Variants in SEC14L5 observed in about 807,000 individuals in gnomAD.
SEC14L5 encodes SEC14 like lipid binding 5.
Under a neutral mutation model 84.6 loss-of-function variants are expected in SEC14L5, and 96 were observed. The ratio of observed to expected loss-of-function variants is 1.13; its 90% CI spans 0.96 to 1.34. The LOEUF is 1.34. SEC14L5 is among the 40% of genes most tolerant of loss of function. The pLI is 0.00. For synonymous variants in SEC14L5, 546 were observed against 383.4 expected (o/e 1.42, Z -4.95); for missense variants, 1,224 against 942.5 (o/e 1.30, Z -3.91).
intron 2 of SEC14L5, among the ~76,000 whole-genome samples, chr16:4,964,376 T>A (rs1329094571): frequency 6.6e-6 from 1 of 151,974 alleles, no homozygotes; most frequent in African/African-American, 2.4e-5. Flanking sequence ...ATCATGAGGT[T>A]TGGAGATCAA....
intron 2 of SEC14L5, among the ~76,000 whole-genome samples, chr16:4,981,506 AGGG>A (rs1955423674): frequency 6.6e-6 from 1 of 152,068 alleles, no homozygotes; most frequent in Non-Finnish European, 1.5e-5. Flanking sequence ...GGAGAAGGTC[AGGG>A]GTGGTGTGGC....
At chr16:5,010,150 C>G (rs184742341) in intron 14 of SEC14L5, among the ~76,000 whole-genome samples, 1 of 142,982 alleles carries the variant, frequency 7.0e-6, no homozygotes, top group Non-Finnish European at 1.5e-5. Flanking sequence ...CGAGACCAGC[C>G]TGGCCAACAT....
chr16:5,004,024 CAA>C (rs930581737), intron 11 of SEC14L5, among the ~76,000 whole-genome samples: 3 of 152,268 alleles, frequency 2.0e-5, no homozygotes, highest in African/African-American at 7.2e-5. Flanking sequence ...TCCTCTGAAA[CAA>C]GGGTGCAGCC....
intron 2 of SEC14L5, among the ~76,000 whole-genome samples, chr16:4,986,139 C>CT (rs1322526710): frequency 6.7e-6 from 1 of 150,318 alleles, no homozygotes; most frequent in African/African-American, 2.5e-5. Flanking sequence ...TCTTCTTCTT[C>CT]TTCTTTTTTT....
intron 2 of SEC14L5, among the ~76,000 whole-genome samples, chr16:4,981,481 G>A (rs533883897): frequency 1.3e-5 from 2 of 152,080 alleles, no homozygotes; most frequent in Admixed American, 1.3e-4. Flanking sequence ...GGGAGACTGA[G>A]CAGTAGAAGG....
At chr16:4,975,390 G>A (rs1338675354) in intron 2 of SEC14L5, among the ~76,000 whole-genome samples, 2 of 146,922 alleles carry the variant, frequency 1.4e-5, no homozygotes, top group East Asian at 2.0e-4. Flanking sequence ...GAAGAATGGC[G>A]TGAACCCGGG....
intron 3 of SEC14L5, 79 bp downstream of exon 3, chr16:4,987,785 A>G (rs1955508712): frequency 8.7e-7 from 1 of 1,148,398 alleles, no homozygotes; most frequent in Non-Finnish European, 1.2e-6. Context: ...GGAGCTGGGG[A>G]CCAGGGCGGC....
At chr16:5,011,691 T>G (rs1955806753) in intron 15 of SEC14L5, among the ~76,000 whole-genome samples, 1 of 151,708 alleles carries the variant, frequency 6.6e-6, no homozygotes, top group Non-Finnish European at 1.5e-5. Flanking sequence ...CTGTAATGGT[T>G]AAGACCTCCA....
rs1247110463 is a variant in SEC14L5 at position 4,996,469 on chromosome 16, A to G, written c.780+9A>G. 2.7e-6 allele frequency: 4 copies of G among 1,489,910 alleles called. No homozygotes were observed. The highest frequency in any genetic ancestry group is 3.7e-6 in the Non-Finnish European group (4 of 1,088,990). The allele number at this position is 1,489,910 out of a possible 1,614,324, so 92.3% of individuals were successfully genotyped here. A position where few individuals can be genotyped will look rare whatever the true frequency, so the allele number is the denominator to read the frequency against. The stretch of plus-strand genomic sequence containing the variant: ...AGACCCACAAAGGCAAGGTGGGTGC[A>G]GGGGGTACCCTGGAGCAGTGGATGA... On this transcript the variant is annotated intron_variant, in intron 7 of 15. Transcript: ENST00000251170.
chr16:4,970,357 G>A (rs144200364), intron 2 of SEC14L5, among the ~76,000 whole-genome samples: 13 of 152,244 alleles, frequency 8.5e-5, no homozygotes, highest in African/African-American at 3.1e-4. Flanking sequence ...CCTATGCAAA[G>A]GCCAATGGGG....
chr16:4,979,699 C>G (rs896732836), intron 2 of SEC14L5, among the ~76,000 whole-genome samples: 4 of 147,244 alleles, frequency 2.7e-5, no homozygotes, highest in African/African-American at 1.0e-4. Flanking sequence ...CTGGAGAGCC[C>G]TTGCGCTGGG....
chr16:5,004,454 C>G (rs1205631158), intron 11 of SEC14L5, among the ~76,000 whole-genome samples: 1 of 152,244 alleles, frequency 6.6e-6, no homozygotes. Flanking sequence ...GAGGGGTGTC[C>G]TGAAGGGGCT....
At chr16:4,992,220 A>G (rs1346143671) in intron 6 of SEC14L5, among the ~76,000 whole-genome samples, 190 bp downstream of exon 6, 3 of 152,220 alleles carry the variant, frequency 2.0e-5, no homozygotes, top group Non-Finnish European at 4.4e-5. Flanking sequence ...GTCCAAGAGC[A>G]GAACTCATTT....
At chr16:4,983,065 C>T (rs34343886) in intron 2 of SEC14L5, among the ~76,000 whole-genome samples, 10,771 of 152,130 alleles carry the variant, frequency 0.071, 549 homozygotes, top group Admixed American at 0.12. Flanking sequence ...TTCAGTGGCA[C>T]GATCTCCGCT....
At chr16:4,984,649 T>A (rs1955465470) in intron 2 of SEC14L5, among the ~76,000 whole-genome samples, 1 of 152,212 alleles carries the variant, frequency 6.6e-6, no homozygotes, top group Admixed American at 6.5e-5. Context: ...TACATACACG[T>A]GGGAGGGTTT....
In SEC14L5 at chr16:5,003,591, G is replaced by T. The variant is rs771598682; in HGVS notation, c.1302+18G>T. The T allele has an allele frequency of 5.5e-5, 48 of 878,822 alleles. No homozygotes were observed. The highest frequency in any genetic ancestry group is 7.5e-5 in the Non-Finnish European group (47 of 624,448). The allele number at this position is 878,822 out of a possible 1,614,324, so 54.4% of individuals were successfully genotyped here. A position where few individuals can be genotyped will look rare whatever the true frequency, so the allele number is the denominator to read the frequency against. Reference sequence around the variant, plus strand: ...GGACACTGGTAAGAGCTGGAGCCTGGGCCAGGACTCTCCCTGGGGGTGGGT... The same window carrying T: ...GGACACTGGTAAGAGCTGGAGCCTGTGCCAGGACTCTCCCTGGGGGTGGGT... On this transcript the variant is annotated intron_variant, in intron 11 of 15. Coordinates refer to ENST00000251170, the MANE Select transcript of SEC14L5 (RefSeq NM_014692.2).
chr16:4,989,238 C>A (rs1361873114), intron 4 of SEC14L5, among the ~76,000 whole-genome samples: 2 of 151,768 alleles, frequency 1.3e-5, no homozygotes, highest in Non-Finnish European at 2.9e-5. Context: ...GCAGATCCTG[C>A]CTTGCTGGAT....
chr16:5,005,476 G>T (rs747129530), intron 11 of SEC14L5, among the ~76,000 whole-genome samples: 2 of 152,026 alleles, frequency 1.3e-5, no homozygotes, highest in Non-Finnish European at 1.5e-5. Flanking sequence ...TAGAGGTGCT[G>T]GCTGCACAAG....
intron 2 of SEC14L5, among the ~76,000 whole-genome samples, chr16:4,972,885 C>G (rs779098068): frequency 6.6e-6 from 1 of 152,146 alleles, no homozygotes; most frequent in East Asian, 1.9e-4. Context: ...TGGCATTGTC[C>G]CTTTAATTGC....
Sources: gnomAD v4.1 joint callset for allele counts (sites outside exome capture counted in the v4.1 genomes callset) on GRCh38, gnomAD v4.1.1 for gene constraint, MANE v1.5 for transcripts, NCBI Gene and HGNC (gene_info 2026-07-23, HGNC 2026-07-21) for gene names.